The following SORCS1 variants were observed in gnomAD, a reference collection of about 807,000 sequenced individuals.
SORCS1 encodes the protein VPS10 domain-containing receptor SorCS1.
In SORCS1, 60 loss-of-function variants were observed where a neutral mutation model predicts 146.1. The observed-to-expected ratio is 0.41, with a 90% CI of 0.33 to 0.51. The LOEUF is 0.51. Ranked by LOEUF, SORCS1 falls within the 20% of genes least tolerant of loss-of-function variation. The pLI is 0.21. For missense variants in SORCS1, 1,352 were observed against 1,487.6 expected, an observed-to-expected ratio of 0.91 and a Z score of 1.50; for synonymous variants, 637 against 584.0, an observed-to-expected ratio of 1.09 and a Z score of -1.31.
intron 18 of SORCS1, among the ~76,000 whole-genome samples, chr10:106,631,182 C>CCCAG (rs1296781915): frequency 2.6e-5 from 4 of 152,312 alleles, no homozygotes; most frequent in African/African-American, 9.6e-5. Context: ...CTGCTCTATG[C>CCCAG]CCAGCCAAGC....
At chr10:106,690,170 C>T (rs1410085850) in intron 9 of SORCS1, among the ~76,000 whole-genome samples, 2 of 152,182 alleles carry the variant, frequency 1.3e-5, no homozygotes, top group Non-Finnish European at 2.9e-5. Flanking sequence ...ACACCAGCTC[C>T]GCAAGGGCTT....
At chr10:106,820,124 T>C (rs74321238) in intron 3 of SORCS1, among the ~76,000 whole-genome samples, 2,580 of 152,234 alleles carry the variant, frequency 0.017, 66 homozygotes, top group African/African-American at 0.057. Context: ...ATCCACATTG[T>C]CATTTTCTCC....
At chr10:106,703,517 T>C (rs1854283431) in intron 8 of SORCS1, among the ~76,000 whole-genome samples, 1 of 152,244 alleles carries the variant, frequency 6.6e-6, no homozygotes, top group Non-Finnish European at 1.5e-5. Flanking sequence ...GAGGGCCACA[T>C]GCTCTTAATG....
chr10:106,997,152 C>T (rs1176221447), intron 1 of SORCS1, among the ~76,000 whole-genome samples: 3 of 151,948 alleles, frequency 2.0e-5, no homozygotes, highest in Non-Finnish European at 2.9e-5. Flanking sequence ...ATTCTTTCTC[C>T]TGGTAATTTT....
At chr10:106,899,928 T>A (rs1043443110) in intron 2 of SORCS1, among the ~76,000 whole-genome samples, 2 of 151,934 alleles carry the variant, frequency 1.3e-5, no homozygotes, top group African/African-American at 2.4e-5. Context: ...TCTCTATATA[T>A]TATATACGTA....
chr10:106,837,133 C>G (rs1192543241), intron 2 of SORCS1, among the ~76,000 whole-genome samples: 1 of 152,172 alleles, frequency 6.6e-6, no homozygotes. Context: ...AATAAACCAG[C>G]TGAAGTTAGC....
chr10:106,798,977 C>A (rs1324656625), intron 3 of SORCS1, among the ~76,000 whole-genome samples: 1 of 152,160 alleles, frequency 6.6e-6, no homozygotes, highest in African/African-American at 2.4e-5. Context: ...TGACTTCAAA[C>A]TATACTACAA....
chr10:107,124,086 CAA>C (rs58402182), intron 1 of SORCS1, among the ~76,000 whole-genome samples: 13 of 72,274 alleles, frequency 1.8e-4, no homozygotes, highest in Non-Finnish European at 1.5e-4. Flanking sequence ...GACTTCGTCT[CAA>C]AAAAAAAAAA....
intron 1 of SORCS1, among the ~76,000 whole-genome samples, chr10:106,963,110 A>ATTTTTTTTTTTTTTTTTTTTTTTTTTT (rs749174613): frequency 2.6e-5 from 2 of 76,310 alleles, no homozygotes; most frequent in African/African-American, 4.6e-5. Context: ...AATGGCCAGA[A>ATTTTTTTTTTTTTTTTTTTTTTTTTTT]TTTTTTTTTT....
At chr10:106,881,076 CAAA>C (rs59128024) in intron 2 of SORCS1, among the ~76,000 whole-genome samples, 2 of 69,158 alleles carry the variant, frequency 2.9e-5, no homozygotes, top group Non-Finnish European at 5.3e-5. Flanking sequence ...GACTCTGTCT[CAAA>C]AAAAAAAAAA....
chr10:106,964,231 A>G (rs1012239888), intron 1 of SORCS1, among the ~76,000 whole-genome samples: 13 of 152,362 alleles, frequency 8.5e-5, no homozygotes, highest in African/African-American at 3.1e-4. Context: ...GACCTTAAAT[A>G]TTAGGCTGGT....
At chr10:106,592,083 G>A (rs1230282858) in intron 24 of SORCS1, among the ~76,000 whole-genome samples, 1 of 152,142 alleles carries the variant, frequency 6.6e-6, no homozygotes, top group African/African-American at 2.4e-5. Context: ...AGCCACTCAG[G>A]CCATGACCCT....
intron 2 of SORCS1, among the ~76,000 whole-genome samples, chr10:106,939,961 G>C (rs1953947548): frequency 6.6e-6 from 1 of 152,194 alleles, no homozygotes; most frequent in Non-Finnish European, 1.5e-5. Context: ...CCTGTGTCCT[G>C]TTTCCTAAAG....
At chr10:106,927,077 T>C (rs1953081875) in intron 2 of SORCS1, among the ~76,000 whole-genome samples, 1 of 152,158 alleles carries the variant, frequency 6.6e-6, no homozygotes, top group African/African-American at 2.4e-5. Context: ...AGAAAAAACC[T>C]GAGTGCATGA....
intron 17 of SORCS1, among the ~76,000 whole-genome samples, chr10:106,661,574 T>C (rs1237473874): frequency 6.6e-6 from 1 of 152,228 alleles, no homozygotes; most frequent in Non-Finnish European, 1.5e-5. Flanking sequence ...TAACTATTGG[T>C]GATGACACAC....
At chr10:106,694,710 C>T (rs1219538077) in intron 9 of SORCS1, among the ~76,000 whole-genome samples, 2 of 152,164 alleles carry the variant, frequency 1.3e-5, no homozygotes, top group African/African-American at 4.8e-5. Context: ...AGAGGGTACT[C>T]ATAACGTACA....
intron 5 of SORCS1, among the ~76,000 whole-genome samples, chr10:106,735,070 C>T (rs771115766): frequency 1.8e-4 from 26 of 147,424 alleles, no homozygotes; most frequent in Non-Finnish European, 3.7e-4. Context: ...CGCTTGAACC[C>T]GGGAGGTGGA....
intron 6 of SORCS1, among the ~76,000 whole-genome samples, chr10:106,714,330 G>C (rs1855212113): frequency 6.6e-6 from 1 of 151,738 alleles, no homozygotes; most frequent in Non-Finnish European, 1.5e-5. Flanking sequence ...ATAAACTATG[G>C]AACATTTAGA....
chr10:106,714,763 C>T (rs1034473687), intron 6 of SORCS1, among the ~76,000 whole-genome samples: 1 of 152,180 alleles, frequency 6.6e-6, no homozygotes, highest in Non-Finnish European at 1.5e-5. Flanking sequence ...AGCCCTTCTA[C>T]AGCCGGGCAA....
Sources: allele counts gnomAD v4.1 joint callset (sites outside exome capture counted in the v4.1 genomes callset), GRCh38; gene constraint gnomAD v4.1.1; transcripts MANE v1.5; gene names NCBI Gene and HGNC (gene_info 2026-07-23, HGNC 2026-07-21).